Variants in PANX3 observed in about 807,000 individuals in gnomAD.
PANX3 encodes the protein pannexin-3.
Under a neutral mutation model 31.5 loss-of-function variants are expected in PANX3, and 18 were observed. The ratio of observed to expected loss-of-function variants is 0.57; its 90% CI spans 0.39 to 0.85. The LOEUF (loss-of-function observed/expected upper bound fraction) is 0.85. Among genes scored for constraint, PANX3 ranks in the 40% least tolerant of loss-of-function variants. The pLI, the probability that PANX3 is intolerant of heterozygous loss-of-function variation, is 0.00. For synonymous variants in PANX3, 194 were observed against 201.6 expected (o/e 0.96, Z 0.32); for missense variants, 426 against 485.4 (o/e 0.88, Z 1.15).
chr11:124,613,117 C>G lies in PANX3; in HGVS notation c.319C>G (p.His107Asp), dbSNP rs750773118. The G allele has an allele frequency of 6.2e-7, 1 of 1,613,284 alleles. No individual in the cohort carries two copies. Among genetic ancestry groups the G allele is most frequent in the South Asian group, 1.1e-5 (1 of 91,054 alleles). ...GGACAAAATGAAATCTCTCTGGCCC[C>G]ACAAGGTAAAGCAAACTCTCTGTAA... ...GQDKMKSLWP[H>D]KALPYSLLAL... The change falls in exon 2 of 4, where the codon CAC (histidine) becomes GAC (aspartate). Residue 107 changes from histidine (H) to aspartate (D), a missense_variant. His to Asp is a moderately conservative substitution (Grantham distance 81). Transcript: ENST00000284288.
At chr11:124,617,155 C>T (rs1863162075) in intron 2 of PANX3, 119 bp from the exon 3 acceptor site, 1 of 852,544 alleles carries the variant, frequency 1.2e-6, no homozygotes, top group South Asian at 1.6e-5. Context: ...CTAGCCCATT[C>T]CCCAAACAGC....
At chr11:124,614,167 TAAAAAAAAAAAAAAAAAA>T (rs71042444) in intron 2 of PANX3, among the ~76,000 whole-genome samples, 1 of 73,460 alleles carries the variant, frequency 1.4e-5, no homozygotes, top group South Asian at 4.6e-4. Flanking sequence ...ATCTAAATGG[TAAAAAAAAAAAAAAAAAA>T]AAAAAAGAAA....
At chr11:124,618,608 C>G (rs186475634) in intron 3 of PANX3, among the ~76,000 whole-genome samples, 254 of 152,216 alleles carry the variant, frequency 1.7e-3, no homozygotes, top group Non-Finnish European at 3.1e-3. Context: ...AGATCATACA[C>G]AGAGTACACA....
At chr11:124,612,437 C>T (rs11219737) in intron 1 of PANX3, among the ~76,000 whole-genome samples, 16,746 of 152,142 alleles carry the variant, frequency 0.11, 2,117 homozygotes, top group African/African-American at 0.31. Flanking sequence ...GGTGTGCCAG[C>T]CTCCCACCGC....
intron 1 of PANX3, 146 bp from the exon 2 acceptor site, chr11:124,612,834 G>A (rs1168714469): frequency 1.1e-6 from 1 of 942,912 alleles, no homozygotes. Flanking sequence ...ACCGTGACAT[G>A]GCAGTGCTCA....
chr11:124,611,727 G>A lies in PANX3; in HGVS notation c.171G>A (p.Glu57=), dbSNP rs773692674. The A allele has an allele frequency of 3.7e-6, 6 of 1,613,826 alleles. No individual in the cohort carries two copies. Among genetic ancestry groups the A allele is most frequent in the East Asian group, 2.2e-5 (1 of 44,880 alleles). ...TGATGTCCCTGGCATTCGCCCAGGA[G>A]TTCTCCTCTGGTAAGTTGCTTCCAA... ...LLLMSLAFAQ[E]FSSGSPISCF... is the part of the protein sequence containing the mutation. The change falls in exon 1 of 4, where the codon GAG becomes GAA. Residue 57 remains glutamate (E), a synonymous_variant. Coordinates refer to ENST00000284288, the MANE Select transcript of PANX3 (RefSeq NM_052959.3).
rs747101629 is a variant in PANX3 at position 124,611,729 on chromosome 11, TCTC to T, written c.177_179del (p.Ser60del). The stretch of plus-strand genomic sequence containing the variant: ...ATGTCCCTGGCATTCGCCCAGGAGT[TCTC>T]CTCTGGTAAGTTGCTTCCAAGACCC... On this transcript the variant is annotated inframe_deletion, in exon 1 of 4. Transcript: ENST00000284288. The T allele has an allele frequency of 4.8e-5, 77 of 1,613,410 alleles. No individual in the cohort carries two copies. The East Asian group carries it at 1.2e-3, about 26-fold the overall frequency.
intron 2 of PANX3, 99 bp from the exon 3 acceptor site, chr11:124,617,175 C>A: frequency 9.9e-7 from 1 of 1,008,796 alleles, no homozygotes; most frequent in Admixed American, 2.1e-5. Flanking sequence ...CCTTCCCCTG[C>A]TGAGGCAGGA....
chr11:124,618,289 A>C (rs887175216), intron 3 of PANX3, among the ~76,000 whole-genome samples: 1 of 152,174 alleles, frequency 6.6e-6, no homozygotes, highest in African/African-American at 2.4e-5. Flanking sequence ...CTTCTGAAAA[A>C]AAATCCTCTC....
At position 124,613,046 on chromosome 11, in the gene PANX3, C is replaced by T. The variant is rs776253309; in HGVS notation, c.248C>T (p.Ser83Phe). 64 of 1,614,054 alleles carry T rather than the reference C, an allele frequency of 4.0e-5. 1 individual carries two copies. In the South Asian group the frequency reaches 6.7e-4, roughly 17 times the overall value. Residue 83 changes from serine to phenylalanine, a missense_variant, in exon 2 of 4, where the codon TCC becomes TTC. Ser to Phe is a radical substitution (Grantham distance 155). Transcript: ENST00000284288. ...CGGCAGGCAGCCTACGTGGACAGCT[C>T]CTGCTGGGACTCACTGCTTCACCAT... ...SIRQAAYVDS[S>F]CWDSLLHHKQ...
chr11:124,617,418 C>G lies in PANX3; in HGVS notation c.469C>G (p.Leu157Val). Reference protein sequence around the residue: ...LDKSYNRSIRLVQHMLKIRQK... With the variant: ...LDKSYNRSIRVVQHMLKIRQK... ...CAAATCTTATAATCGCTCCATCCGCCTCGTGCAGCACATGCTGAAGATCCG... is the reference window on the plus strand; with the variant it reads ...CAAATCTTATAATCGCTCCATCCGCGTCGTGCAGCACATGCTGAAGATCCG... The change falls in exon 3 of 4, where the codon CTC becomes GTC. Residue 157 changes from leucine (L) to valine (V), a missense_variant. Transcript: ENST00000284288. 6.2e-7 allele frequency: 1 copy of G among 1,614,236 alleles called. No individual in the cohort carries two copies. The highest frequency in any genetic ancestry group is 8.5e-7 in the Non-Finnish European group (1 of 1,180,048).
At chr11:124,618,650 T>TG (rs1435651638) in intron 3 of PANX3, among the ~76,000 whole-genome samples, 2 of 151,326 alleles carry the variant, frequency 1.3e-5, no homozygotes, top group East Asian at 3.9e-4. Context: ...TTTTTTGGAG[T>TG]GGGGGGGTGG....
intron 2 of PANX3, among the ~76,000 whole-genome samples, chr11:124,614,480 T>G (rs571366194): frequency 6.6e-6 from 1 of 151,622 alleles, no homozygotes; most frequent in Non-Finnish European, 1.5e-5. Flanking sequence ...GTTGTCCAGG[T>G]TGGTCTCAAA....
In PANX3 at chr11:124,619,537, T is replaced by G. The variant is rs368095223; in HGVS notation, c.781T>G (p.Cys261Gly). 3.7e-5 allele frequency: 60 copies of G among 1,614,086 alleles called. No homozygotes were observed. Among genetic ancestry groups the G allele is most frequent in the Non-Finnish European group, 5.1e-5 (60 of 1,180,034 alleles). Residue 261 changes from cysteine (C) to glycine (G), a missense_variant, in exon 4 of 4, where the codon TGC (cysteine) becomes GGC (glycine). By Grantham distance (159) the Cys-to-Gly change is radical. Coordinates refer to ENST00000284288, the MANE Select transcript of PANX3 (RefSeq NM_052959.3). ...GACCCATGTCCCCAATCTGATCACA[T>G]GCAGGCTGACATCACTGTCCATTTT... ...DETHVPNLIT[C>G]RLTSLSIFQI... is the part of the protein sequence containing the mutation.
chr11:124,619,398 C>T lies in PANX3; in HGVS notation c.642C>T (p.Ser214=). ...TGGCTACCTACCTCCTGAGGAACTCCCTCTTGCTCATCTTCACCTCCGCCA... is the reference window on the plus strand; with the variant it reads ...TGGCTACCTACCTCCTGAGGAACTCTCTCTTGCTCATCTTCACCTCCGCCA... ...SLVATYLLRN[S]LLLIFTSATY... The change falls in exon 4 of 4, where the codon TCC becomes TCT. Residue 214 remains serine, a synonymous_variant. Transcript: ENST00000284288. The T allele has an allele frequency of 6.2e-7, 1 of 1,614,168 alleles. No homozygotes were observed. The highest frequency in any genetic ancestry group is 1.3e-5 in the African/African-American group (1 of 75,036).
chr11:124,618,469 C>T (rs979237388), intron 3 of PANX3, among the ~76,000 whole-genome samples: 2 of 152,194 alleles, frequency 1.3e-5, no homozygotes, highest in African/African-American at 4.8e-5. Flanking sequence ...GTCTTATCTG[C>T]CCCTTCCCCA....
chr11:124,615,915 G>A (rs368237127), intron 2 of PANX3, among the ~76,000 whole-genome samples: 25 of 152,232 alleles, frequency 1.6e-4, no homozygotes, highest in South Asian at 1.0e-3. Context: ...GGGAGGCTGA[G>A]GCAGGAGAAT....
intron 2 of PANX3, among the ~76,000 whole-genome samples, chr11:124,615,737 C>T (rs1440977599): frequency 6.6e-6 from 1 of 152,122 alleles, no homozygotes; most frequent in Non-Finnish European, 1.5e-5. Context: ...ACAGGCTGGA[C>T]GTGGTCGCTC....
intron 3 of PANX3, among the ~76,000 whole-genome samples, 179 bp downstream of exon 3, chr11:124,617,667 C>G (rs751109018): frequency 8.5e-5 from 13 of 152,200 alleles, no homozygotes; most frequent in Non-Finnish European, 1.3e-4. Context: ...GACTCTTCCT[C>G]TAGTGTACAG....
Sources: allele counts gnomAD v4.1 joint callset (sites outside exome capture counted in the v4.1 genomes callset), GRCh38; gene constraint gnomAD v4.1.1; transcripts MANE v1.5; gene names NCBI Gene and HGNC (gene_info 2026-07-23, HGNC 2026-07-21).